ADAM12: variants seen among roughly 807,000 people sequenced by gnomAD.
ADAM12 encodes the protein disintegrin and metalloproteinase domain-containing protein 12.
In ADAM12, 70 loss-of-function variants were observed where a neutral mutation model predicts 106.4. The observed-to-expected ratio is 0.66, with a 90% CI of 0.54 to 0.80. ADAM12 has a LOEUF of 0.80. Ranked by LOEUF, ADAM12 falls within the 30% of genes least tolerant of loss-of-function variation. The pLI, the probability that ADAM12 is intolerant of heterozygous loss-of-function variation, is 0.00. For missense variants in ADAM12, 1,010 were observed against 1,171.9 expected, an observed-to-expected ratio of 0.86 and a Z score of 2.02; for synonymous variants, 420 against 433.5, an observed-to-expected ratio of 0.97 and a Z score of 0.39.
At chr10:126,188,768 TATCC>T (rs1244787502) in intron 3 of ADAM12, among the ~76,000 whole-genome samples, 2 of 152,170 alleles carry the variant, frequency 1.3e-5, no homozygotes, top group African/African-American at 2.4e-5. Flanking sequence ...TTTATCCATT[TATCC>T]ATCCATCTAT....
At chr10:126,065,415 T>C (rs1484574219) in intron 13 of ADAM12, among the ~76,000 whole-genome samples, 3 of 152,224 alleles carry the variant, frequency 2.0e-5, no homozygotes, top group Non-Finnish European at 2.9e-5. Context: ...GGTGTTGGCA[T>C]GTGTGGGCAA....
chr10:126,117,571 G>T (rs916820264), intron 6 of ADAM12, among the ~76,000 whole-genome samples: 2 of 152,044 alleles, frequency 1.3e-5, no homozygotes, highest in Non-Finnish European at 2.9e-5. Flanking sequence ...CAAATTATAA[G>T]AACCCAAACT....
At chr10:126,292,674 T>C (rs1225616064) in intron 2 of ADAM12, among the ~76,000 whole-genome samples, 5 of 152,204 alleles carry the variant, frequency 3.3e-5, no homozygotes, top group African/African-American at 9.7e-5. Flanking sequence ...TTGTTAGCCA[T>C]ACAGTCCCTG....
intron 2 of ADAM12, among the ~76,000 whole-genome samples, chr10:126,320,884 T>C (rs1222341460): frequency 6.6e-6 from 1 of 152,232 alleles, no homozygotes; most frequent in East Asian, 1.9e-4. Flanking sequence ...GTATGCAGTA[T>C]ATAAAAATTC....
intron 3 of ADAM12, among the ~76,000 whole-genome samples, chr10:126,245,916 A>G (rs1419212906): frequency 2.0e-5 from 3 of 152,178 alleles, no homozygotes; most frequent in South Asian, 2.1e-4. Flanking sequence ...ACAGGTGTGT[A>G]CGGTTTGGCT....
intron 2 of ADAM12, among the ~76,000 whole-genome samples, chr10:126,297,604 T>C (rs1014754460): frequency 6.6e-6 from 1 of 152,196 alleles, no homozygotes; most frequent in African/African-American, 2.4e-5. Flanking sequence ...TATTCCACAG[T>C]CATTAAGCTG....
chr10:126,369,065 G>C (rs184370081), intron 1 of ADAM12, among the ~76,000 whole-genome samples: 2 of 151,976 alleles, frequency 1.3e-5, no homozygotes, highest in Non-Finnish European at 2.9e-5. Flanking sequence ...TGTTCCTTTC[G>C]TATCACTAAT....
intron 3 of ADAM12, among the ~76,000 whole-genome samples, chr10:126,187,462 C>T (rs186940162): frequency 1.2e-4 from 18 of 152,260 alleles, no homozygotes; most frequent in Admixed American, 5.9e-4. Flanking sequence ...GACACACAGG[C>T]GCCGGGGTGC....
At chr10:126,223,511 A>G (rs189674517) in intron 3 of ADAM12, among the ~76,000 whole-genome samples, 18 of 152,344 alleles carry the variant, frequency 1.2e-4, no homozygotes, top group African/African-American at 3.4e-4. Context: ...AGAGCCTAAT[A>G]GGCATCTATA....
chr10:126,234,180 G>A (rs889187712), intron 3 of ADAM12, among the ~76,000 whole-genome samples: 9 of 152,120 alleles, frequency 5.9e-5, no homozygotes, highest in Non-Finnish European at 1.2e-4. Context: ...AAAAAAGATG[G>A]GAAGGAAGGC....
intron 14 of ADAM12, among the ~76,000 whole-genome samples, chr10:126,054,484 T>G (rs561016741): frequency 9.8e-5 from 15 of 152,384 alleles, no homozygotes; most frequent in South Asian, 8.3e-4. Flanking sequence ...TGCTGGCTAC[T>G]TTCAGGGGGA....
At chr10:126,346,331 T>C (rs1181009924) in intron 1 of ADAM12, among the ~76,000 whole-genome samples, 1 of 152,230 alleles carries the variant, frequency 6.6e-6, no homozygotes, top group Non-Finnish European at 1.5e-5. Flanking sequence ...GCTGAGCGGT[T>C]TTTAGTGAGT....
intron 1 of ADAM12, among the ~76,000 whole-genome samples, chr10:126,366,346 A>G (rs1348124780): frequency 6.6e-6 from 1 of 152,142 alleles, no homozygotes; most frequent in African/African-American, 2.4e-5. Flanking sequence ...GCAGCCTTTT[A>G]GGATGTCACA....
At chr10:126,028,162 C>T (rs1953911270) in intron 21 of ADAM12, among the ~76,000 whole-genome samples, 1 of 152,168 alleles carries the variant, frequency 6.6e-6, no homozygotes, top group East Asian at 1.9e-4. Context: ...AACTACACCA[C>T]TGCTCAAAGA....
intron 4 of ADAM12, among the ~76,000 whole-genome samples, chr10:126,143,624 G>GGT (rs34524287): frequency 0.33 from 48,741 of 149,682 alleles, 8,208 homozygotes; most frequent in Non-Finnish European, 0.38. Flanking sequence ...GGGGTGCGTG[G>GGT]GTGTGTGTAT....
intron 3 of ADAM12, among the ~76,000 whole-genome samples, chr10:126,274,585 G>A (rs551255354): frequency 1.2e-4 from 19 of 152,236 alleles, no homozygotes; most frequent in South Asian, 1.2e-3. Flanking sequence ...AGATTTTGCC[G>A]TGCCAAGCAC....
chr10:126,244,564 C>T lies in ADAM12; in HGVS notation c.260+34351G>A, dbSNP rs1287170949. On this transcript the variant is annotated intron_variant, in intron 3 of 22. Coordinates refer to ENST00000448723, the MANE Select transcript of ADAM12 (RefSeq NM_001288973.2). ...AGATGCCAATTAACAAGATCGTATC[C>T]TCTTCCTTCAGCAGGAAAGTGTCAC... Among the ~76,000 whole-genome samples the T allele has an allele frequency of 4.6e-5, 7 of 152,170 alleles. No homozygotes were observed. The East Asian group carries it at 1.4e-3, about 29-fold the overall frequency.
intron 2 of ADAM12, among the ~76,000 whole-genome samples, chr10:126,324,365 A>G (rs1854216767): frequency 1.3e-5 from 2 of 152,202 alleles, no homozygotes; most frequent in East Asian, 1.9e-4. Flanking sequence ...AACGTGGCCT[A>G]TTTAGGCAAC....
At chr10:126,091,373 C>T (rs1026561511) in intron 11 of ADAM12, among the ~76,000 whole-genome samples, 12 of 152,138 alleles carry the variant, frequency 7.9e-5, no homozygotes, top group African/African-American at 2.4e-4. Context: ...TTGACTGAGC[C>T]GCTCGACCTC....
Sources: gnomAD v4.1 joint callset for allele counts (sites outside exome capture counted in the v4.1 genomes callset) on GRCh38, gnomAD v4.1.1 for gene constraint, MANE v1.5 for transcripts, NCBI Gene and HGNC (gene_info 2026-07-23, HGNC 2026-07-21) for gene names.